The following NPFFR2 variants were observed in gnomAD, a reference collection of about 807,000 sequenced individuals.
NPFFR2 encodes the protein neuropeptide FF receptor 2, also known as G-protein coupled receptor 74.
A neutral mutation model predicts 13.1 loss-of-function variants in NPFFR2; 15 were observed. The ratio of observed to expected loss-of-function variants is 1.15; its 90% confidence interval spans 0.77 to 1.76. The LOEUF (loss-of-function observed/expected upper bound fraction) is 1.76. NPFFR2 is among the 40% of genes most tolerant of loss of function. The pLI, the probability that NPFFR2 is intolerant of heterozygous loss-of-function variation, is 0.00. For synonymous variants in NPFFR2, 190 were observed against 175.7 expected (o/e 1.08, Z -0.65); for missense variants, 572 against 503.5 (o/e 1.14, Z -1.30).
intron 1 of NPFFR2, 38 bp from the exon 2 acceptor site, chr4:72,128,547 C>A: frequency 7.7e-7 from 1 of 1,298,446 alleles, no homozygotes; most frequent in Non-Finnish European, 1.1e-6. Context: ...TTACTGGTTC[C>A]TAATTATGTT....
intron 1 of NPFFR2, among the ~76,000 whole-genome samples, chr4:72,101,318 A>T (rs765719955): frequency 6.6e-6 from 1 of 152,004 alleles, no homozygotes; most frequent in Non-Finnish European, 1.5e-5. Context: ...CAAAATAAAC[A>T]TATCGATATT....
intron 1 of NPFFR2, among the ~76,000 whole-genome samples, chr4:72,072,364 G>T (rs1458933901): frequency 2.6e-5 from 4 of 151,974 alleles, no homozygotes; most frequent in African/African-American, 9.7e-5. Flanking sequence ...CATAAATGAA[G>T]AGACAGAAAA....
At chr4:72,113,122 T>C (rs1033388136) in intron 1 of NPFFR2, among the ~76,000 whole-genome samples, 2 of 152,110 alleles carry the variant, frequency 1.3e-5, no homozygotes, top group African/African-American at 2.4e-5. Context: ...TGTGTATTTT[T>C]TGAGTAATCA....
chr4:72,115,051 A>T (rs1721671998), intron 1 of NPFFR2, among the ~76,000 whole-genome samples: 1 of 152,190 alleles, frequency 6.6e-6, no homozygotes, highest in Non-Finnish European at 1.5e-5. Context: ...TTTTGCCATT[A>T]TTAAGATGTT....
chr4:72,125,222 A>G (rs1185654187), intron 1 of NPFFR2, among the ~76,000 whole-genome samples: 3 of 152,240 alleles, frequency 2.0e-5, no homozygotes, highest in Non-Finnish European at 2.9e-5. Flanking sequence ...CAAAACTACA[A>G]TGAGATACCA....
intron 1 of NPFFR2, among the ~76,000 whole-genome samples, chr4:72,062,422 G>A (rs943948411): frequency 6.6e-6 from 1 of 151,796 alleles, no homozygotes; most frequent in African/African-American, 2.4e-5. Flanking sequence ...TTCTCTGGAA[G>A]CATTGATTGC....
intron 1 of NPFFR2, among the ~76,000 whole-genome samples, chr4:72,061,375 C>G (rs920147803): frequency 6.6e-6 from 1 of 152,120 alleles, no homozygotes; most frequent in Admixed American, 6.6e-5. Context: ...TAGAGAAAAG[C>G]TGAGACTGTG....
chr4:72,053,183 TTTG>T lies in NPFFR2; in HGVS notation c.-8+20985_-8+20987del, dbSNP rs1317092433. 7.2e-5 allele frequency among the ~76,000 whole-genome samples: 11 copies of T among 152,002 alleles called. No individual in the cohort carries two copies. In the East Asian group the frequency reaches 2.1e-3, roughly 29 times the overall value. ...ATATATTTTACAGAATTTGACTCAT[TTTG>T]TCAACAACTTCAAACCAAGTTATCT... On this transcript the variant is annotated intron_variant, in intron 1 of 3. Coordinates refer to ENST00000308744, the MANE Select transcript of NPFFR2 (RefSeq NM_004885.3).
chr4:72,078,187 G>T (rs1393860592), intron 1 of NPFFR2, among the ~76,000 whole-genome samples: 1 of 152,092 alleles, frequency 6.6e-6, no homozygotes, highest in Non-Finnish European at 1.5e-5. Flanking sequence ...TATTGTTCCA[G>T]CAGTATTTGT....
intron 1 of NPFFR2, among the ~76,000 whole-genome samples, chr4:72,096,768 G>A (rs956454788): frequency 1.3e-5 from 2 of 151,912 alleles, no homozygotes; most frequent in East Asian, 1.9e-4. Context: ...GTTTTATACA[G>A]ATGCTCCTTG....
intron 1 of NPFFR2, among the ~76,000 whole-genome samples, chr4:72,083,089 T>TA (rs1237863839): frequency 6.6e-6 from 1 of 151,204 alleles, no homozygotes; most frequent in East Asian, 1.9e-4. Context: ...GATAAATTGA[T>TA]AAAAAGTGAC....
At chr4:72,062,105 TTCCACGG>T (rs1719936003) in intron 1 of NPFFR2, among the ~76,000 whole-genome samples, 1 of 152,136 alleles carries the variant, frequency 6.6e-6, no homozygotes, top group Non-Finnish European at 1.5e-5. Flanking sequence ...AGGTATTTCT[TTCCACGG>T]GAACCATAAC....
At position 72,135,434 on chromosome 4, in the gene NPFFR2, A is replaced by T. The variant is rs1560422199; in HGVS notation, c.329-2606A>T. ...TAATTTTTTTCATCTTTTTACTTTA[A>T]TTTTTTGCCCCTCATTCTTCTATTT... On this transcript the variant is annotated intron_variant, in intron 2 of 3. Transcript: ENST00000308744. Among the ~76,000 whole-genome samples the T allele has an allele frequency of 3.3e-5, 5 of 151,424 alleles. No homozygotes were observed. The East Asian group carries it at 7.8e-4, about 24-fold the overall frequency.
At chr4:72,119,083 G>C (rs888659901) in intron 1 of NPFFR2, among the ~76,000 whole-genome samples, 1 of 151,882 alleles carries the variant, frequency 6.6e-6, no homozygotes, top group Non-Finnish European at 1.5e-5. Context: ...AATATATGCT[G>C]GTATAGCTAA....
rs374705928 is a variant in NPFFR2, at chr4:72,085,416, T to C, written c.-7-43169T>C. 2.2e-4 allele frequency among the ~76,000 whole-genome samples: 34 copies of C among 152,296 alleles called. No individual in the cohort carries two copies. In the East Asian group the frequency reaches 6.4e-3, roughly 29 times the overall value. ...TATATGTATATTTTGCATTTCAAGCTTCAGCCACAAGCTTTTTTTTCCCCA... is the reference window on the plus strand; with the variant it reads ...TATATGTATATTTTGCATTTCAAGCCTCAGCCACAAGCTTTTTTTTCCCCA... On this transcript the variant is annotated intron_variant, in intron 1 of 3. Coordinates refer to ENST00000308744, the MANE Select transcript of NPFFR2 (RefSeq NM_004885.3).
intron 2 of NPFFR2, among the ~76,000 whole-genome samples, chr4:72,133,879 G>C (rs1464459207): frequency 6.6e-6 from 1 of 152,022 alleles, no homozygotes; most frequent in Non-Finnish European, 1.5e-5. Flanking sequence ...AGACTTTTAG[G>C]AAAGTTATTT....
At chr4:72,051,118 G>C (rs1719560205) in intron 1 of NPFFR2, among the ~76,000 whole-genome samples, 1 of 151,848 alleles carries the variant, frequency 6.6e-6, no homozygotes, top group African/African-American at 2.4e-5. Flanking sequence ...AGTCCTCTGG[G>C]TATATACCCA....
At chr4:72,075,581 A>G (rs1171885747) in intron 1 of NPFFR2, among the ~76,000 whole-genome samples, 2 of 152,142 alleles carry the variant, frequency 1.3e-5, no homozygotes, top group Non-Finnish European at 2.9e-5. Flanking sequence ...TAAACCAACT[A>G]TATCTAACAT....
At chr4:72,050,739 A>C in intron 1 of NPFFR2, among the ~76,000 whole-genome samples, 1 of 151,218 alleles carries the variant, frequency 6.6e-6, no homozygotes, top group Non-Finnish European at 1.5e-5. Flanking sequence ...CATTAGGTAT[A>C]TCTCCCAATG....
Sources: gnomAD v4.1 joint callset for allele counts (sites outside exome capture counted in the v4.1 genomes callset) on GRCh38, gnomAD v4.1.1 for gene constraint, MANE v1.5 for transcripts, NCBI Gene and HGNC (gene_info 2026-07-23, HGNC 2026-07-21) for gene names.